The following RBPJL variants were observed in gnomAD, a reference collection of about 807,000 sequenced individuals.
The protein encoded by RBPJL is recombining binding protein suppressor of hairless-like protein.
RBPJL carries 50 observed loss-of-function variants against 57.6 expected under a neutral mutation model. The observed-to-expected ratio is 0.87, with a 90% CI of 0.69 to 1.10. The LOEUF (loss-of-function observed/expected upper bound fraction) is 1.10. Among genes scored for constraint, RBPJL ranks in the 50% least tolerant of loss-of-function variants. RBPJL has a pLI of 0.00. For missense variants in RBPJL, 684 were observed against 693.7 expected, an observed-to-expected ratio of 0.99 and a Z score of 0.16; for synonymous variants, 303 against 294.4, an observed-to-expected ratio of 1.03 and a Z score of -0.30.
chr20:45,316,640 C>G (rs1403988426), intron 11 of RBPJL, 46 bp from the exon 12 acceptor site: 4 of 1,529,160 alleles, frequency 2.6e-6, no homozygotes, highest in South Asian at 1.2e-5. Context: ...GGGGTGCACG[C>G]GTCGTCGGAG....
chr20:45,314,921 A>G (rs1291964718), intron 9 of RBPJL, among the ~76,000 whole-genome samples: 3 of 152,140 alleles, frequency 2.0e-5, no homozygotes, highest in Non-Finnish European at 4.4e-5. Flanking sequence ...CATCTCTACT[A>G]AAAATACAAA....
intron 3 of RBPJL, among the ~76,000 whole-genome samples, chr20:45,310,751 C>G (rs1167275979): frequency 6.6e-6 from 1 of 152,056 alleles, no homozygotes; most frequent in African/African-American, 2.4e-5. Context: ...GGTCAGATCT[C>G]AGGAGGACTT....
At chr20:45,310,753 G>A (rs1422939468) in intron 3 of RBPJL, among the ~76,000 whole-genome samples, 1 of 152,148 alleles carries the variant, frequency 6.6e-6, no homozygotes, top group Non-Finnish European at 1.5e-5. Flanking sequence ...TCAGATCTCA[G>A]GAGGACTTTG....
chr20:45,307,786 C>T (rs533299599), intron 1 of RBPJL, among the ~76,000 whole-genome samples: 29 of 152,100 alleles, frequency 1.9e-4, no homozygotes, highest in Non-Finnish European at 3.2e-4. Flanking sequence ...GGGTACATGG[C>T]GATGTCGTGG....
intron 1 of RBPJL, among the ~76,000 whole-genome samples, chr20:45,307,322 T>G (rs1018598993): frequency 6.6e-6 from 1 of 152,178 alleles, no homozygotes; most frequent in Non-Finnish European, 1.5e-5. Context: ...CAGTGCCTGC[T>G]TCTCACTCCA....
At chr20:45,312,982 T>A (rs1164598090) in intron 6 of RBPJL, among the ~76,000 whole-genome samples, 2 of 149,398 alleles carry the variant, frequency 1.3e-5, no homozygotes, top group Non-Finnish European at 3.0e-5. Context: ...CAGTCCAGCC[T>A]GGGTGACAGG....
Position 45,306,937 on chromosome 20 carries a change from G to A in RBPJL, c.15G>A (p.Gly5=). ...GTGGAGCCACCATGGACCCCGCAGG[G>A]GCAGCAGGTGAGCGCTTACCCTCCC... MDPA[G]AADPSVPPNP... The change falls in exon 1 of 12, where the codon GGG becomes GGA. Residue 5 remains glycine (G), a synonymous_variant. Coordinates refer to ENST00000343694, the MANE Select transcript of RBPJL (RefSeq NM_014276.4). The A allele has an allele frequency of 8.0e-7, 1 of 1,256,402 alleles. No homozygotes were observed. Among genetic ancestry groups the A allele is most frequent in the Non-Finnish European group, 1.0e-6 (1 of 992,442 alleles). 77.8% of individuals were successfully genotyped at this position (1,256,402 alleles called of 1,614,324 possible). A position where few individuals can be genotyped will look rare whatever the true frequency, so the allele number is the denominator to read the frequency against.
chr20:45,316,393 G>A (rs368935286), intron 10 of RBPJL, 51 bp downstream of exon 10: 9 of 1,605,704 alleles, frequency 5.6e-6, no homozygotes, highest in Non-Finnish European at 7.7e-6. Context: ...CCTGCACTGG[G>A]CAGTGGTGGT....
intron 6 of RBPJL, among the ~76,000 whole-genome samples, chr20:45,312,907 C>T (rs1239524955): frequency 6.6e-6 from 1 of 150,718 alleles, no homozygotes; most frequent in East Asian, 1.9e-4. Flanking sequence ...ACGTGGGAGG[C>T]TGAGATCAGA....
At chr20:45,308,317 C>T (rs1426709950) in intron 2 of RBPJL, 66 bp downstream of exon 2, 18 of 1,099,488 alleles carry the variant, frequency 1.6e-5, no homozygotes, top group African/African-American at 6.2e-5. Context: ...ACAGAGGCAA[C>T]GGCCGCATTT....
intron 9 of RBPJL, 61 bp downstream of exon 9, chr20:45,314,626 G>A: frequency 6.6e-7 from 1 of 1,524,380 alleles, no homozygotes; most frequent in South Asian, 1.2e-5. Context: ...GAGAACCACA[G>A]AATGTAAGAT....
At chr20:45,316,090 G>C (rs1247001402) in intron 9 of RBPJL, 97 bp from the exon 10 acceptor site, 1 of 1,196,280 alleles carries the variant, frequency 8.4e-7, no homozygotes, top group African/African-American at 1.5e-5. Flanking sequence ...TTAGTATCCA[G>C]TTCGGTCTAA....
intron 1 of RBPJL, 135 bp downstream of exon 1, chr20:45,307,079 AT>A: frequency 2.0e-6 from 1 of 504,286 alleles, no homozygotes; most frequent in Non-Finnish European, 3.2e-6. Flanking sequence ...CAAAAGCAGG[AT>A]TAGAACCTAG....
intron 8 of RBPJL, 118 bp downstream of exon 8, chr20:45,314,262 A>T: frequency 8.2e-7 from 1 of 1,216,708 alleles, no homozygotes. Context: ...GTTCTCACCC[A>T]GTGTCGCGTA....
chr20:45,312,289 G>A lies in RBPJL; in HGVS notation c.513G>A (p.Leu171=). ...ADKRKHFRLV[L]RLVLRGGREL... ...AGAGGAAGCACTTTCGGCTGGTGCT[G>A]CGGCTGGTGCTGCGCGGGGGCCGGG... Residue 171 remains leucine (L), a synonymous_variant, in exon 6 of 12, where the codon CTG becomes CTA. Coordinates refer to ENST00000343694, the MANE Select transcript of RBPJL (RefSeq NM_014276.4). The A allele has an allele frequency of 6.2e-7, 1 of 1,614,132 alleles. No homozygotes were observed. The highest frequency in any genetic ancestry group is 8.5e-7 in the Non-Finnish European group (1 of 1,179,966).
At chr20:45,314,627 A>G in intron 9 of RBPJL, 62 bp downstream of exon 9, 1 of 1,517,052 alleles carries the variant, frequency 6.6e-7, no homozygotes. Flanking sequence ...AGAACCACAG[A>G]ATGTAAGATC....
In RBPJL at chr20:45,312,304, CG is replaced by C. The variant is rs1987220591; in HGVS notation, c.533del (p.Gly178AlafsTer25). 16 of 1,613,932 alleles carry C rather than the reference CG, an allele frequency of 9.9e-6. No individual in the cohort carries two copies. The highest frequency in any genetic ancestry group is 1.1e-5 in the Non-Finnish European group (13 of 1,179,940). On this transcript the variant is annotated frameshift_variant, in exon 6 of 12. Coordinates refer to ENST00000343694, the MANE Select transcript of RBPJL (RefSeq NM_014276.4). LOFTEE classifies it high-confidence loss of function. The stretch of plus-strand genomic sequence containing the variant: ...GGCTGGTGCTGCGGCTGGTGCTGCG[CG>C]GGGGCCGGGAGCTGGGTACCTTCCA... ...FRLVLRLVLR[G>X]GRELGTFHSR...
In RBPJL at chr20:45,316,716, G is replaced by C; in HGVS notation, c.1311G>C (p.Pro437=). 1 of 1,611,128 alleles carries C rather than the reference G, an allele frequency of 6.2e-7. No homozygotes were observed. Among genetic ancestry groups the C allele is most frequent in the Admixed American group, 1.7e-5 (1 of 59,658 alleles). Residue 437 remains proline, a synonymous_variant, in exon 12 of 12, where the codon CCG becomes CCC. Coordinates refer to ENST00000343694, the MANE Select transcript of RBPJL (RefSeq NM_014276.4). ...CGCGGTCCCTGGTGTGCGTGGTGCC[G>C]GACGTGGCGGCCTTCTGCAGCGACT... ...RSPRSLVCVV[P]DVAAFCSDWR... is the part of the protein sequence containing the mutation.
At chr20:45,312,140 A>T (rs1282437971) in intron 5 of RBPJL, 81 bp from the exon 6 acceptor site, 1 of 1,596,618 alleles carries the variant, frequency 6.3e-7, no homozygotes, top group Non-Finnish European at 8.6e-7. Flanking sequence ...GACGGGGCGG[A>T]CGTCCGATAT....
Sources: gnomAD v4.1 joint callset for allele counts (sites outside exome capture counted in the v4.1 genomes callset) on GRCh38, gnomAD v4.1.1 for gene constraint, MANE v1.5 for transcripts, NCBI Gene and HGNC (gene_info 2026-07-23, HGNC 2026-07-21) for gene names.